The following TENM3 variants were observed in gnomAD, a reference collection of about 807,000 sequenced individuals.
TENM3 encodes the protein teneurin-3.
In TENM3, 63 loss-of-function variants were observed where a neutral mutation model predicts 255.1. The ratio of observed to expected loss-of-function variants is 0.25; its 90% CI spans 0.20 to 0.30. TENM3 has a LOEUF of 0.30. TENM3 is among the 10% of genes least tolerant of loss of function. The pLI is 1.00. For synonymous variants in TENM3, 1,306 were observed against 1,322.3 expected, an observed-to-expected ratio of 0.99 and a Z score of 0.27; for missense variants, 2,929 against 3,461.1, an observed-to-expected ratio of 0.85 and a Z score of 3.86.
chr4:182,728,909 C>A, intron 13 of TENM3, 56 bp from the exon 14 acceptor site: 3 of 1,367,874 alleles, frequency 2.2e-6, no homozygotes, highest in Non-Finnish European at 3.1e-6. Flanking sequence ...AAAACTGATT[C>A]TACATTATGG....
chr4:181,475,222 G>T, the TENM3 span, among the ~76,000 whole-genome samples: 1 of 152,112 alleles, frequency 6.6e-6, no homozygotes, highest in African/African-American at 2.4e-5. Flanking sequence ...TTTGTTTGGT[G>T]TCTTTATTTA....
chr4:182,326,566 G>C (rs28557146), intron 2 of TENM3, among the ~76,000 whole-genome samples: 1 of 151,642 alleles, frequency 6.6e-6, no homozygotes, highest in Non-Finnish European at 1.5e-5. Flanking sequence ...TGACAAGCTC[G>C]GTCTGTTGCC....
At chr4:182,103,889 AT>A in the TENM3 span, among the ~76,000 whole-genome samples, 53,533 of 151,734 alleles carry the variant, frequency 0.35, 9,871 homozygotes, top group African/African-American at 0.45. Flanking sequence ...AGATATGCAA[AT>A]TGTCCTTTAT....
chr4:182,292,753 T>C (rs1761203876), intron 1 of TENM3, among the ~76,000 whole-genome samples: 1 of 152,138 alleles, frequency 6.6e-6, no homozygotes, highest in African/African-American at 2.4e-5. Flanking sequence ...TGGGCTCAAT[T>C]GAGGATACAG....
At chr4:181,582,684 A>G in the TENM3 span, among the ~76,000 whole-genome samples, 8 of 139,848 alleles carry the variant, frequency 5.7e-5, no homozygotes, top group Admixed American at 4.2e-4. Context: ...AAAAAAAAAA[A>G]AAGAAAGAAA....
At chr4:181,545,485 C>T in the TENM3 span, among the ~76,000 whole-genome samples, 1 of 152,042 alleles carries the variant, frequency 6.6e-6, no homozygotes, top group African/African-American at 2.4e-5. Flanking sequence ...TCACCTACCC[C>T]AGAATTTATT....
At chr4:182,275,955 A>T (rs1346494322) in intron 1 of TENM3, among the ~76,000 whole-genome samples, 1 of 150,900 alleles carries the variant, frequency 6.6e-6, no homozygotes, top group Non-Finnish European at 1.5e-5. Flanking sequence ...AAAAATTATC[A>T]GTCAATCAAT....
chr4:182,751,771 T>C, intron 19 of TENM3, 29 bp from the exon 20 acceptor site: 10 of 1,535,504 alleles, frequency 6.5e-6, no homozygotes, highest in Non-Finnish European at 9.0e-6. Context: ...GTAACTCCCT[T>C]TGATGTTTAT....
intron 1 of TENM3, among the ~76,000 whole-genome samples, chr4:182,178,280 G>A (rs918967463): frequency 2.0e-5 from 3 of 152,058 alleles, no homozygotes; most frequent in African/African-American, 7.2e-5. Context: ...TTAGATAGAT[G>A]GCGTCAATTT....
intron 1 of TENM3, among the ~76,000 whole-genome samples, chr4:182,183,304 G>C (rs971715762): frequency 1.3e-5 from 2 of 152,022 alleles, no homozygotes; most frequent in African/African-American, 4.8e-5. Context: ...AAACACTGAA[G>C]GCTACTTTAA....
the TENM3 span, among the ~76,000 whole-genome samples, chr4:181,863,668 A>G: frequency 6.6e-6 from 1 of 152,072 alleles, no homozygotes; most frequent in Non-Finnish European, 1.5e-5. Context: ...GTAGTAGGCC[A>G]CAGGCAAGAA....
chr4:182,592,598 G>A (rs1313360554), intron 3 of TENM3, among the ~76,000 whole-genome samples: 6 of 152,174 alleles, frequency 3.9e-5, no homozygotes, highest in Non-Finnish European at 1.5e-5. Context: ...GTTGGCGCAC[G>A]CCTGTAATCT....
the TENM3 span, among the ~76,000 whole-genome samples, chr4:181,836,595 A>G: frequency 6.6e-6 from 1 of 152,116 alleles, no homozygotes; most frequent in African/African-American, 2.4e-5. Flanking sequence ...TTGTTCAGCT[A>G]CACATGCGTA....
chr4:181,575,554 C>T, the TENM3 span, among the ~76,000 whole-genome samples: 896 of 152,284 alleles, frequency 5.9e-3, 12 homozygotes, highest in African/African-American at 0.021. Context: ...CTGGATCCTT[C>T]TCAACTATGC....
intron 1 of TENM3, among the ~76,000 whole-genome samples, chr4:182,268,716 G>A (rs28481401): frequency 0.27 from 41,560 of 151,936 alleles, 5,942 homozygotes; most frequent in Middle Eastern, 0.36. Flanking sequence ...CCTCATTGCT[G>A]TGCTCCCACC....
chr4:182,595,759 A>G (rs974888734), intron 3 of TENM3, among the ~76,000 whole-genome samples: 11 of 152,116 alleles, frequency 7.2e-5, no homozygotes, highest in Non-Finnish European at 1.3e-4. Context: ...TTTTGAAAAA[A>G]TAATTGATAC....
At chr4:181,467,097 G>GTA in the TENM3 span, among the ~76,000 whole-genome samples, 4 of 73,142 alleles carry the variant, frequency 5.5e-5, no homozygotes, top group Non-Finnish European at 7.6e-5. Flanking sequence ...GTGTGTGTGT[G>GTA]TGTGTGTATA....
chr4:181,552,552 A>G, the TENM3 span, among the ~76,000 whole-genome samples: 1 of 152,244 alleles, frequency 6.6e-6, no homozygotes, highest in African/African-American at 2.4e-5. Context: ...AACACTTGTA[A>G]TAATTTTCTA....
chr4:182,721,303 G>T (rs1317424007), intron 13 of TENM3, among the ~76,000 whole-genome samples: 2 of 147,158 alleles, frequency 1.4e-5, no homozygotes, highest in East Asian at 2.1e-4. Flanking sequence ...TGGGCATCTC[G>T]TGAATTCATA....
Sources: allele counts gnomAD v4.1 joint callset (sites outside exome capture counted in the v4.1 genomes callset), GRCh38; gene constraint gnomAD v4.1.1; transcripts MANE v1.5; gene names NCBI Gene and HGNC (gene_info 2026-07-23, HGNC 2026-07-21).